Variants in CCDC102B observed in about 807,000 individuals in gnomAD.
The protein encoded by CCDC102B is coiled-coil domain-containing protein 102B.
Under a neutral mutation model 57.4 loss-of-function variants are expected in CCDC102B, and 75 were observed. The observed-to-expected ratio is 1.31, with a 90% CI of 1.08 to 1.58. The LOEUF is 1.58. CCDC102B is among the 40% of genes most tolerant of loss of function. The pLI is 0.00. For synonymous variants in CCDC102B, 206 were observed against 201.9 expected (o/e 1.02, Z -0.17); for missense variants, 636 against 582.6 (o/e 1.09, Z -0.94).
intron 2 of CCDC102B, among the ~76,000 whole-genome samples, chr18:68,728,649 A>C (rs146984614): frequency 1.3e-5 from 2 of 152,198 alleles, no homozygotes; most frequent in Non-Finnish European, 2.9e-5. Flanking sequence ...GCCCTAAAAA[A>C]TTATAACTTT....
chr18:68,879,226 T>G (rs543335387), intron 5 of CCDC102B, among the ~76,000 whole-genome samples: 161 of 148,226 alleles, frequency 1.1e-3, no homozygotes, highest in African/African-American at 3.9e-3. Context: ...CGGTGGGCTC[T>G]TGGTCTCGCT....
intron 2 of CCDC102B, among the ~76,000 whole-genome samples, chr18:68,752,491 A>T (rs1464442422): frequency 6.6e-6 from 1 of 151,700 alleles, no homozygotes; most frequent in Non-Finnish European, 1.5e-5. Flanking sequence ...AAAAAAAAAA[A>T]AACAAGCACA....
At position 68,835,328 on chromosome 18, in the gene CCDC102B, G is replaced by T. The variant is rs532201917; in HGVS notation, c.-15-1421G>T. On this transcript the variant is annotated intron_variant, in intron 1 of 7. Transcript: ENST00000360242. The stretch of plus-strand genomic sequence containing the variant: ...CTAAGCGATAGTCATAACTTCTTCA[G>T]TACCCCTTAGATTACCTTGACCATA... 5.3e-5 allele frequency among the ~76,000 whole-genome samples: 8 copies of T among 152,158 alleles called. No individual in the cohort carries two copies. The East Asian group carries it at 1.5e-3, about 29-fold the overall frequency.
At chr18:68,911,712 A>C (rs942329411) in intron 6 of CCDC102B, among the ~76,000 whole-genome samples, 14 of 123,330 alleles carry the variant, frequency 1.1e-4, no homozygotes, top group Non-Finnish European at 1.8e-4. Context: ...AGATCGCGCC[A>C]CTGCACTCCA....
chr18:68,725,670 C>G (rs903440610), intron 2 of CCDC102B, among the ~76,000 whole-genome samples: 15 of 152,220 alleles, frequency 9.9e-5, no homozygotes, highest in African/African-American at 3.6e-4. Context: ...TCTCCCTCTT[C>G]TGCTTTTGAG....
chr18:69,009,085 G>A (rs1012131668), intron 6 of CCDC102B, among the ~76,000 whole-genome samples: 2 of 152,052 alleles, frequency 1.3e-5, no homozygotes, highest in Non-Finnish European at 2.9e-5. Context: ...GAAATAGAAT[G>A]GTTGTATCTG....
chr18:68,775,748 G>A (rs948259833), intron 2 of CCDC102B, among the ~76,000 whole-genome samples: 1 of 150,872 alleles, frequency 6.6e-6, no homozygotes. Flanking sequence ...CTCCCTCCTG[G>A]GTTCAAGTGA....
At chr18:68,980,312 G>A (rs1599787262) in intron 6 of CCDC102B, among the ~76,000 whole-genome samples, 5 of 143,780 alleles carry the variant, frequency 3.5e-5, no homozygotes. Context: ...AAATGATACT[G>A]TGATTTAGAT....
chr18:68,917,235 G>A (rs1462191645), intron 6 of CCDC102B, among the ~76,000 whole-genome samples: 2 of 152,046 alleles, frequency 1.3e-5, no homozygotes, highest in African/African-American at 4.8e-5. Context: ...TTGGTTTGGA[G>A]GGAGAGATGC....
intron 4 of CCDC102B, among the ~76,000 whole-genome samples, chr18:68,852,367 C>G: frequency 6.6e-6 from 1 of 152,074 alleles, no homozygotes; most frequent in South Asian, 2.1e-4. Context: ...GGGATTGTTT[C>G]CAGGATCTTC....
chr18:68,960,145 A>G (rs931159313), intron 6 of CCDC102B, among the ~76,000 whole-genome samples: 1 of 152,226 alleles, frequency 6.6e-6, no homozygotes, highest in African/African-American at 2.4e-5. Flanking sequence ...CCTAAGGCTC[A>G]CAGTGAGTAC....
At chr18:68,783,461 G>C (rs2035074970) in intron 2 of CCDC102B, among the ~76,000 whole-genome samples, 1 of 152,162 alleles carries the variant, frequency 6.6e-6, no homozygotes. Flanking sequence ...AGCAGCTGCT[G>C]TGTGTGTGAG....
rs1194227808 is a variant in CCDC102B at position 69,038,469 on chromosome 18, A to G, written c.1435-15561A>G. On this transcript the variant is annotated intron_variant, in intron 7 of 7. Coordinates refer to ENST00000360242, the MANE Select transcript of CCDC102B (RefSeq NM_024781.3). ...GAAATGCCTTCCAAAATGTGCTCCA[A>G]TTCATATTACCACCATTCTCATAAT... 3.3e-5 allele frequency among the ~76,000 whole-genome samples: 5 copies of G among 152,078 alleles called. No individual in the cohort carries two copies. The East Asian group carries it at 9.7e-4, about 29-fold the overall frequency.
intron 2 of CCDC102B, among the ~76,000 whole-genome samples, chr18:68,747,885 A>G (rs760164412): frequency 2.0e-5 from 3 of 152,152 alleles, no homozygotes; most frequent in Non-Finnish European, 4.4e-5. Context: ...ATACCCAGCA[A>G]TGGGATTGCT....
At chr18:69,014,857 G>A (rs1234715367) in intron 7 of CCDC102B, among the ~76,000 whole-genome samples, 3 of 151,874 alleles carry the variant, frequency 2.0e-5, no homozygotes, top group East Asian at 1.9e-4. Flanking sequence ...TGTTTGGAAC[G>A]TTGCTTGGGT....
At chr18:68,959,710 A>G (rs1246380287) in intron 6 of CCDC102B, among the ~76,000 whole-genome samples, 1 of 151,818 alleles carries the variant, frequency 6.6e-6, no homozygotes, top group African/African-American at 2.4e-5. Context: ...CCATAACACA[A>G]AGTCTCTGCC....
chr18:68,862,100 A>G (rs984535535), intron 4 of CCDC102B, among the ~76,000 whole-genome samples: 1 of 152,190 alleles, frequency 6.6e-6, no homozygotes, highest in African/African-American at 2.4e-5. Context: ...TTTCCTTATT[A>G]GATATTTTAT....
At chr18:68,992,219 A>G (rs909115478) in intron 6 of CCDC102B, among the ~76,000 whole-genome samples, 5 of 152,194 alleles carry the variant, frequency 3.3e-5, no homozygotes, top group Non-Finnish European at 7.3e-5. Flanking sequence ...ACTCCATTAC[A>G]TAGAATAGGG....
chr18:68,737,345 C>T (rs946384729), intron 2 of CCDC102B, among the ~76,000 whole-genome samples: 1 of 152,018 alleles, frequency 6.6e-6, no homozygotes, highest in Non-Finnish European at 1.5e-5. Flanking sequence ...GCCAGTGGGA[C>T]CAATGATAGC....
Sources: gnomAD v4.1 joint callset for allele counts (sites outside exome capture counted in the v4.1 genomes callset) on GRCh38, gnomAD v4.1.1 for gene constraint, MANE v1.5 for transcripts, NCBI Gene and HGNC (gene_info 2026-07-23, HGNC 2026-07-21) for gene names.